Variants in ATXN1 observed in about 807,000 individuals in gnomAD.
ATXN1 encodes ataxin 1, also known as ataxin-1.
Under a neutral mutation model 56.4 loss-of-function variants are expected in ATXN1, and 8 were observed. That is an observed-to-expected ratio of 0.14 (90% confidence interval 0.08 to 0.26). The LOEUF is 0.26. Ranked by LOEUF, ATXN1 falls within the 10% of genes least tolerant of loss-of-function variation. The probability of loss-of-function intolerance (pLI) is 1.00; values close to 1 mark genes in which losing one functional copy is unlikely to be tolerated. For synonymous variants in ATXN1, 514 were observed against 494.6 expected, an observed-to-expected ratio of 1.04 and a Z score of -0.52; for missense variants, 987 against 1,106.5, an observed-to-expected ratio of 0.89 and a Z score of 1.53.
chr6:16,553,025 A>G (rs1761950531), intron 4 of ATXN1, among the ~76,000 whole-genome samples: 1 of 152,152 alleles, frequency 6.6e-6, no homozygotes, highest in Admixed American at 6.5e-5. Context: ...TGACTTTCCA[A>G]TCTTTTCGGA....
At chr6:16,476,678 C>T (rs1760332306) in intron 6 of ATXN1, among the ~76,000 whole-genome samples, 1 of 152,182 alleles carries the variant, frequency 6.6e-6, no homozygotes, top group Non-Finnish European at 1.5e-5. Context: ...TACACCCTGT[C>T]AAACAAAACT....
intron 6 of ATXN1, among the ~76,000 whole-genome samples, chr6:16,407,016 G>A (rs1758700068): frequency 6.6e-6 from 1 of 152,148 alleles, no homozygotes; most frequent in Admixed American, 6.5e-5. Context: ...TATGTTCAAG[G>A]TCTATTTCTT....
At chr6:16,697,557 C>A (rs1330513916) in intron 2 of ATXN1, among the ~76,000 whole-genome samples, 1 of 151,802 alleles carries the variant, frequency 6.6e-6, no homozygotes, top group Non-Finnish European at 1.5e-5. Flanking sequence ...TTCTAAAGAT[C>A]TTTTTTTTCC....
chr6:16,335,190 G>A (rs980256008), intron 6 of ATXN1, among the ~76,000 whole-genome samples: 4 of 152,236 alleles, frequency 2.6e-5, no homozygotes, highest in Admixed American at 1.3e-4. Flanking sequence ...TTCTTGCTGT[G>A]TCCTCAGTGG....
chr6:16,562,466 G>A (rs994214038), intron 4 of ATXN1, among the ~76,000 whole-genome samples: 1 of 145,054 alleles, frequency 6.9e-6, no homozygotes, highest in Non-Finnish European at 1.5e-5. Context: ...GAGAGGAGAG[G>A]AGAGGAGAGG....
At chr6:16,313,800 G>T (rs180002) in intron 7 of ATXN1, among the ~76,000 whole-genome samples, 1 of 151,924 alleles carries the variant, frequency 6.6e-6, no homozygotes, top group African/African-American at 2.4e-5. Flanking sequence ...GATCTCAGGC[G>T]ATCTGCCCGC....
chr6:16,626,654 C>A (rs779211610), intron 3 of ATXN1, among the ~76,000 whole-genome samples: 3 of 152,146 alleles, frequency 2.0e-5, no homozygotes, highest in African/African-American at 2.4e-5. Flanking sequence ...CTGTTACTGG[C>A]TGAATTTTTT....
intron 6 of ATXN1, among the ~76,000 whole-genome samples, chr6:16,479,247 T>C (rs187530519): frequency 3.3e-5 from 5 of 152,304 alleles, no homozygotes; most frequent in Admixed American, 3.3e-4. Context: ...TTCTCTAACA[T>C]AGGTTTGAAA....
chr6:16,631,914 A>T (rs772138952), intron 3 of ATXN1, among the ~76,000 whole-genome samples: 4 of 152,188 alleles, frequency 2.6e-5, no homozygotes, highest in Non-Finnish European at 4.4e-5. Context: ...AAAATAGGGC[A>T]TGTGATGTTA....
chr6:16,419,977 G>A (rs570116054), intron 6 of ATXN1, among the ~76,000 whole-genome samples: 1 of 152,320 alleles, frequency 6.6e-6, no homozygotes, highest in South Asian at 2.1e-4. Context: ...AGGGCATTTT[G>A]TTCTGGTGCA....
intron 7 of ATXN1, among the ~76,000 whole-genome samples, chr6:16,319,049 T>A (rs1394455925): frequency 6.6e-6 from 1 of 152,034 alleles, no homozygotes; most frequent in East Asian, 1.9e-4. Flanking sequence ...AGACCCCGTC[T>A]CTACAAAAAA....
rs376488738 is a variant in ATXN1 at position 16,433,372 on chromosome 6, C to A, written c.-161+52600G>T. ...CTGATACCTCAAATTTCACCTGGAC[C>A]GCAACAGAAACAGCTGTTCAACATT... On this transcript the variant is annotated intron_variant, in intron 6 of 7. Transcript: ENST00000436367. Among the ~76,000 whole-genome samples the A allele has an allele frequency of 1.1e-4, 16 of 152,192 alleles. No individual in the cohort carries two copies. The South Asian group carries it at 2.9e-3, about 28-fold the overall frequency.
intron 4 of ATXN1, among the ~76,000 whole-genome samples, chr6:16,543,875 C>T (rs1305708617): frequency 1.0e-5 from 1 of 98,100 alleles, no homozygotes; most frequent in Non-Finnish European, 1.8e-5. Flanking sequence ...AAGGGTCTCG[C>T]AACAAAAGTA....
At chr6:16,386,933 A>G (rs1762692807) in intron 6 of ATXN1, among the ~76,000 whole-genome samples, 1 of 152,054 alleles carries the variant, frequency 6.6e-6, no homozygotes, top group African/African-American at 2.4e-5. Flanking sequence ...CAGCCTCCCA[A>G]AGTGCTAGGA....
rs1760979434 is a variant in ATXN1 at position 16,506,189 on chromosome 6, C to T, written c.-299+16438G>A. Among the ~76,000 whole-genome samples the T allele has an allele frequency of 6.6e-6, 1 of 152,112 alleles. No individual in the cohort carries two copies. Among genetic ancestry groups the T allele is most frequent in the African/African-American group, 2.4e-5 (1 of 41,420 alleles). On this transcript the variant is annotated intron_variant, in intron 5 of 7. Transcript: ENST00000436367. This position sits in a 1 kb window ranked among gnomAD's most constrained non-coding sequence, Gnocchi z 4.1. ...TTTCTAGGGTAGCACAGAAGTTTGG[C>T]CTTTTCGCTGGTGATTTATTTCCAT... is the stretch of plus-strand genomic sequence containing the variant.
chr6:16,552,150 T>A (rs1761931170), intron 4 of ATXN1, among the ~76,000 whole-genome samples: 1 of 152,224 alleles, frequency 6.6e-6, no homozygotes, highest in African/African-American at 2.4e-5. Context: ...AAGATGCTAC[T>A]CACACGTGGA....
intron 2 of ATXN1, among the ~76,000 whole-genome samples, chr6:16,733,331 C>T (rs567406249): frequency 2.6e-5 from 4 of 151,158 alleles, no homozygotes; most frequent in East Asian, 2.0e-4. Flanking sequence ...GAGGCCGAGG[C>T]GGGAGGATGG....
intron 7 of ATXN1, among the ~76,000 whole-genome samples, chr6:16,312,693 T>G (rs1473724454): frequency 6.6e-6 from 1 of 152,022 alleles, no homozygotes; most frequent in South Asian, 2.1e-4. Flanking sequence ...TTAAAAATAC[T>G]AAAGACTGAA....
chr6:16,685,400 G>A (rs1016152786), intron 2 of ATXN1, among the ~76,000 whole-genome samples: 2 of 152,140 alleles, frequency 1.3e-5, no homozygotes, highest in African/African-American at 2.4e-5. Context: ...ACAAATGAAT[G>A]AGTAACTAGT....
Sources: allele counts gnomAD v4.1 joint callset (sites outside exome capture counted in the v4.1 genomes callset), GRCh38; gene constraint gnomAD v4.1.1; non-coding constraint Gnocchi (gnomAD v3.1); transcripts MANE v1.5; gene names NCBI Gene and HGNC (gene_info 2026-07-23, HGNC 2026-07-21).